The following TSHZ2 variants were observed in gnomAD, a reference collection of about 807,000 sequenced individuals.
TSHZ2 encodes teashirt homolog 2.
A neutral mutation model predicts 74.4 loss-of-function variants in TSHZ2; 21 were observed. The observed-to-expected ratio is 0.28, with a 90% CI of 0.20 to 0.41. TSHZ2 has a LOEUF of 0.41. TSHZ2 is among the 10% of genes least tolerant of loss of function. TSHZ2 has a pLI of 1.00. For missense variants in TSHZ2, 1,244 were observed against 1,293.5 expected, an observed-to-expected ratio of 0.96 and a Z score of 0.59; for synonymous variants, 540 against 515.3, an observed-to-expected ratio of 1.05 and a Z score of -0.65.
intron 2 of TSHZ2, among the ~76,000 whole-genome samples, chr20:53,303,063 T>G (rs1978376675): frequency 6.6e-6 from 1 of 152,208 alleles, no homozygotes; most frequent in African/African-American, 2.4e-5. Flanking sequence ...ATTAATAATT[T>G]TCAGATGTAG....
chr20:53,191,224 T>C (rs1367017680), intron 1 of TSHZ2, among the ~76,000 whole-genome samples: 1 of 152,224 alleles, frequency 6.6e-6, no homozygotes, highest in Non-Finnish European at 1.5e-5. Context: ...ATATGACCTA[T>C]GCAGTTAAAT....
At position 53,386,643 on chromosome 20, in the gene TSHZ2, G is replaced by A. The variant is rs552294819; in HGVS notation, c.*9-100501G>A. ...CTGATTTAGTATAAACGAATGCCCC[G>A]TTGCCTTTGGGGTACCGGGAGTTTG... On this transcript the variant is annotated intron_variant, in intron 2 of 2. Transcript: ENST00000371497. Among the ~76,000 whole-genome samples, 176 of 152,290 alleles carry A rather than the reference G, an allele frequency of 1.2e-3. 1 individual carries two copies. Among genetic ancestry groups the A allele is most frequent in the African/African-American group, 3.9e-3 (164 of 41,562 alleles).
At chr20:52,977,164 C>T (rs765498663) in intron 1 of TSHZ2, among the ~76,000 whole-genome samples, 3 of 152,022 alleles carry the variant, frequency 2.0e-5, no homozygotes, top group East Asian at 1.9e-4. Flanking sequence ...CTGAATTAAC[C>T]GGTGAGGTCC....
intron 2 of TSHZ2, among the ~76,000 whole-genome samples, chr20:53,333,487 G>A (rs201135622): frequency 2.7e-5 from 4 of 149,860 alleles, no homozygotes; most frequent in Non-Finnish European, 4.4e-5. Context: ...ATGGAGTCTC[G>A]CTCTGTCACC....
chr20:53,316,795 T>C (rs1051768227), intron 2 of TSHZ2, among the ~76,000 whole-genome samples: 7 of 152,212 alleles, frequency 4.6e-5, no homozygotes, highest in Non-Finnish European at 7.3e-5. Context: ...CTGACACTAT[T>C]TACTATCTGG....
chr20:53,252,800 A>C (rs1467411212), intron 1 of TSHZ2, among the ~76,000 whole-genome samples: 2 of 152,200 alleles, frequency 1.3e-5, no homozygotes, highest in Non-Finnish European at 2.9e-5. Flanking sequence ...ATAGTCGCCA[A>C]ATCTCCCATT....
chr20:53,449,882 A>G (rs1166545580), intron 2 of TSHZ2, among the ~76,000 whole-genome samples: 1 of 152,224 alleles, frequency 6.6e-6, no homozygotes, highest in Non-Finnish European at 1.5e-5. Context: ...CCCTTTGGCA[A>G]CATTGATCTA....
intron 2 of TSHZ2, among the ~76,000 whole-genome samples, chr20:53,463,437 G>GGAA (rs1568929615): frequency 3.2e-4 from 25 of 77,106 alleles, no homozygotes; most frequent in Non-Finnish European, 4.9e-4. Flanking sequence ...GAAGGAAGGA[G>GGAA]GGAGGGAGGG....
chr20:53,145,600 T>C (rs756480336), intron 1 of TSHZ2, among the ~76,000 whole-genome samples: 21 of 151,884 alleles, frequency 1.4e-4, no homozygotes, highest in Non-Finnish European at 2.1e-4. Context: ...TAGAAGAGAG[T>C]GTAGAACACA....
chr20:53,185,743 T>C, intron 1 of TSHZ2: 3 of 1,531,858 alleles, frequency 2.0e-6, no homozygotes, highest in Non-Finnish European at 2.6e-6. Context: ...GCTAAATGGA[T>C]GTTCAGTTGC....
intron 2 of TSHZ2, among the ~76,000 whole-genome samples, chr20:53,401,985 G>A (rs1412647339): frequency 1.3e-5 from 2 of 151,806 alleles, no homozygotes; most frequent in African/African-American, 4.8e-5. Flanking sequence ...GGGTTTCATC[G>A]TGTTAACCAG....
chr20:53,136,697 G>A (rs1191081181), intron 1 of TSHZ2, among the ~76,000 whole-genome samples: 2 of 152,062 alleles, frequency 1.3e-5, no homozygotes, highest in African/African-American at 4.8e-5. Flanking sequence ...CTTTCACTCA[G>A]TAGTTTAGAT....
intron 1 of TSHZ2, among the ~76,000 whole-genome samples, chr20:53,104,132 T>G (rs1986294690): frequency 6.6e-6 from 1 of 152,056 alleles, no homozygotes. Context: ...TGCCATGATC[T>G]GCTGGCTGCT....
intron 1 of TSHZ2, among the ~76,000 whole-genome samples, chr20:53,223,754 G>GT (rs2123649106): frequency 6.6e-6 from 1 of 152,142 alleles, no homozygotes; most frequent in East Asian, 1.9e-4. Context: ...GAAAAGGATT[G>GT]TTACCTAAGG....
chr20:53,319,045 G>A (rs1257359658), intron 2 of TSHZ2, among the ~76,000 whole-genome samples: 1 of 152,166 alleles, frequency 6.6e-6, no homozygotes, highest in African/African-American at 2.4e-5. Flanking sequence ...CACGGGCAAG[G>A]CTCTCCCCCA....
chr20:53,478,919 C>G (rs1986069507), intron 2 of TSHZ2, among the ~76,000 whole-genome samples: 1 of 152,082 alleles, frequency 6.6e-6, no homozygotes, highest in South Asian at 2.1e-4. Context: ...AATCCCAGCA[C>G]TTTAGGAGGC....
At chr20:53,246,561 A>C (rs989679610) in intron 1 of TSHZ2, among the ~76,000 whole-genome samples, 1 of 152,024 alleles carries the variant, frequency 6.6e-6, no homozygotes, top group African/African-American at 2.4e-5. Flanking sequence ...TCAGCATCCA[A>C]CTTCTCTCCA....
rs1349772075 is a variant in TSHZ2 at position 53,463,433 on chromosome 20, AGGAG to A, written c.*9-23699_*9-23696del. Among the ~76,000 whole-genome samples the A allele has an allele frequency of 2.8e-4, 26 of 93,024 alleles. No individual in the cohort carries two copies. In the East Asian group the frequency reaches 3.1e-3, roughly 11 times the overall value. The allele number at this position is 93,024 out of a possible 152,430, so 61.0% of individuals were successfully genotyped here. Reference sequence around the variant, plus strand: ...AAGGAAGGAAGGAAGGAAGGAAGGAAGGAGGGAGGGAGGGAAGGAAGGAAGGAAG... The same window carrying A: ...AAGGAAGGAAGGAAGGAAGGAAGGAAGGAGGGAGGGAAGGAAGGAAGGAAG... On this transcript the variant is annotated intron_variant, in intron 2 of 2. Transcript: ENST00000371497.
rs544299275 is a variant in TSHZ2, at chr20:53,222,398, T to C, written c.41-31101T>C. ...AGCAGTGAGAGCAAAATTCATCAAG[T>C]GCAGGTCCAGTTAATCGACAAAGAT... On this transcript the variant is annotated intron_variant, in intron 1 of 2. Transcript: ENST00000371497. 7.9e-5 allele frequency among the ~76,000 whole-genome samples: 12 copies of C among 152,340 alleles called. No homozygotes were observed. The East Asian group carries it at 2.3e-3, about 29-fold the overall frequency.
Sources: allele counts gnomAD v4.1 joint callset (sites outside exome capture counted in the v4.1 genomes callset), GRCh38; gene constraint gnomAD v4.1.1; transcripts MANE v1.5; gene names NCBI Gene and HGNC (gene_info 2026-07-23, HGNC 2026-07-21).